DAB1: variants seen among roughly 807,000 people sequenced by gnomAD.
DAB1 encodes the protein disabled homolog 1.
DAB1 carries 15 observed loss-of-function variants against 64.6 expected under a neutral mutation model. That is an observed-to-expected ratio of 0.23 (90% CI 0.16 to 0.36). DAB1 has a LOEUF of 0.36. Among genes scored for constraint, DAB1 ranks in the 10% least tolerant of loss-of-function variants. DAB1 has a pLI of 1.00. For missense variants in DAB1, 596 were observed against 706.7 expected (o/e 0.84, Z 1.78); for synonymous variants, 235 against 251.9 (o/e 0.93, Z 0.64).
chr1:57,267,726 A>C (rs1670694887), intron 2 of DAB1, among the ~76,000 whole-genome samples: 1 of 152,200 alleles, frequency 6.6e-6, no homozygotes, highest in Non-Finnish European at 1.5e-5. Flanking sequence ...GGTCCAGAGC[A>C]CCAAAGGGCA....
rs146420023 is a variant in DAB1 at position 57,868,539 on chromosome 1, T to C, written n.87+15460A>G. Among the ~76,000 whole-genome samples, 17 of 152,260 alleles carry C rather than the reference T, an allele frequency of 1.1e-4. No individual in the cohort carries two copies. The East Asian group carries it at 3.3e-3, about 29-fold the overall frequency. ...CCTCTTAGGGCAGACAATTATGTGG[T>C]GTGGAGAGCTGTCTTGTGTATTTTA... is the stretch of plus-strand genomic sequence containing the variant. On this transcript the variant is annotated intron_variant and non_coding_transcript_variant, in intron 1 of 1. Transcript: ENST00000477280.
chr1:57,223,906 A>G lies in DAB1; in HGVS notation c.67+67058T>C, dbSNP rs61765623. Among the ~76,000 whole-genome samples the G allele has an allele frequency of 7.6e-3, 1,163 of 152,214 alleles. 31 individuals carry two copies. The East Asian group carries it at 0.081, about 11-fold the overall frequency. On this transcript the variant is annotated intron_variant, in intron 2 of 14. Transcript: ENST00000371236. ...GCTTCTGCAGGCTGGACAGTGTGAT[A>G]TCATGGGGAAAACTGGCTTTGGAGT...
chr1:58,523,760 A>T (rs6687082), intron 2 of DAB1, among the ~76,000 whole-genome samples: 15 of 151,986 alleles, frequency 9.9e-5, no homozygotes, highest in African/African-American at 3.6e-4. Flanking sequence ...TTAGCCGGGC[A>T]TGGTGGTGGG....
intron 7 of DAB1, among the ~76,000 whole-genome samples, chr1:57,520,078 C>T (rs1644507574): frequency 6.6e-6 from 1 of 152,140 alleles, no homozygotes; most frequent in Admixed American, 6.5e-5. Flanking sequence ...GTTATTTTAC[C>T]TCTGGAATCT....
At chr1:57,270,044 A>G (rs1309930943) in intron 2 of DAB1, among the ~76,000 whole-genome samples, 1 of 152,184 alleles carries the variant, frequency 6.6e-6, no homozygotes, top group African/African-American at 2.4e-5. Context: ...TCAGGGTGAA[A>G]GGCAAAGGAG....
At chr1:57,450,784 C>T (rs1211087932) in intron 7 of DAB1, among the ~76,000 whole-genome samples, 1 of 152,214 alleles carries the variant, frequency 6.6e-6, no homozygotes, top group Non-Finnish European at 1.5e-5. Flanking sequence ...TGAACTTCAA[C>T]TTACTTAAAG....
intron 4 of DAB1, among the ~76,000 whole-genome samples, chr1:58,243,034 G>T (rs1304833406): frequency 6.6e-6 from 1 of 152,086 alleles, no homozygotes; most frequent in Non-Finnish European, 1.5e-5. Flanking sequence ...AAACAGCTTG[G>T]TTTCTTCAAA....
chr1:57,413,210 A>G (rs780166549), intron 1 of DAB1, among the ~76,000 whole-genome samples: 1 of 152,202 alleles, frequency 6.6e-6, no homozygotes, highest in South Asian at 2.1e-4. Flanking sequence ...TCAAAATATT[A>G]CTGCTCCTTG....
In DAB1 at chr1:58,376,667, T is replaced by C. The variant is rs1409209195; in HGVS notation, n.258-33264A>G. Among the ~76,000 whole-genome samples the C allele has an allele frequency of 2.1e-5, 3 of 141,776 alleles. 1 individual carries two copies. Among genetic ancestry groups the C allele is most frequent in the Non-Finnish European group, 4.7e-5 (3 of 64,052 alleles). 93.0% of individuals were successfully genotyped at this position (141,776 alleles called of 152,430 possible). ...AAATGTATATTCTGTTGATTTGGGGTGGAGAGTTCTGTAGATGTCTATTAG... is the reference window on the plus strand; with the variant it reads ...AAATGTATATTCTGTTGATTTGGGGCGGAGAGTTCTGTAGATGTCTATTAG... On this transcript the variant is annotated intron_variant and non_coding_transcript_variant, in intron 3 of 20. Coordinates refer to the DAB1 transcript ENST00000485760.
chr1:57,812,362 A>T (rs1557494416), intron 6 of DAB1, among the ~76,000 whole-genome samples: 2 of 151,986 alleles, frequency 1.3e-5, no homozygotes, highest in Non-Finnish European at 2.9e-5. Context: ...AAAAGAAAGA[A>T]AGAAAAAAGG....
intron 6 of DAB1, among the ~76,000 whole-genome samples, chr1:57,782,069 G>C (rs1340589066): frequency 2.0e-5 from 3 of 152,152 alleles, no homozygotes; most frequent in Non-Finnish European, 2.9e-5. Flanking sequence ...AAGACAGTCT[G>C]CAATGTTAAT....
At chr1:57,358,009 A>G (rs1679260656) in intron 1 of DAB1, among the ~76,000 whole-genome samples, 1 of 151,970 alleles carries the variant, frequency 6.6e-6, no homozygotes, top group Admixed American at 6.6e-5. Flanking sequence ...GTATCCTGCA[A>G]CTCTACTGAA....
At chr1:58,496,463 A>G (rs1011964145) in intron 3 of DAB1, among the ~76,000 whole-genome samples, 11 of 152,124 alleles carry the variant, frequency 7.2e-5, no homozygotes, top group African/African-American at 2.7e-4. Flanking sequence ...GTCCTCTCCC[A>G]TAAAGTAACA....
In DAB1 at chr1:57,294,685, A is replaced by C. The variant is rs191764458; in HGVS notation, c.-136-3519T>G. 3.9e-5 allele frequency among the ~76,000 whole-genome samples: 6 copies of C among 152,272 alleles called. No individual in the cohort carries two copies. In the East Asian group the frequency reaches 1.2e-3, roughly 29 times the overall value. The stretch of plus-strand genomic sequence containing the variant: ...ATACAATTCATTCAACTATTTTAAG[A>C]ATCCAATATAATTATCTACATGAAA... On this transcript the variant is annotated intron_variant, in intron 1 of 14. Transcript: ENST00000371236.
At chr1:57,990,273 C>T (rs974308212) in intron 5 of DAB1, among the ~76,000 whole-genome samples, 8 of 152,162 alleles carry the variant, frequency 5.3e-5, no homozygotes, top group Non-Finnish European at 1.2e-4. Flanking sequence ...ATGAGGTAGA[C>T]TTACAGAGAA....
chr1:57,952,039 C>T (rs1388242693), intron 5 of DAB1, among the ~76,000 whole-genome samples: 1 of 152,154 alleles, frequency 6.6e-6, no homozygotes, highest in African/African-American at 2.4e-5. Flanking sequence ...ATTCTTTCTT[C>T]CTTTTACTAA....
intron 4 of DAB1, among the ~76,000 whole-genome samples, chr1:58,182,817 C>G (rs1656870941): frequency 6.6e-6 from 1 of 151,962 alleles, no homozygotes; most frequent in African/African-American, 2.4e-5. Context: ...TATGTTTTAA[C>G]TACTTTTTTT....
At chr1:57,184,706 AACCCT>A (rs1440333061) in intron 2 of DAB1, among the ~76,000 whole-genome samples, 1 of 152,092 alleles carries the variant, frequency 6.6e-6, no homozygotes, top group African/African-American at 2.4e-5. Context: ...GTACTCCACA[AACCCT>A]GTGCTCCTGG....
At chr1:57,520,690 A>T (rs1644515524) in intron 7 of DAB1, among the ~76,000 whole-genome samples, 1 of 152,136 alleles carries the variant, frequency 6.6e-6, no homozygotes, top group Non-Finnish European at 1.5e-5. Flanking sequence ...TATTCAGGAA[A>T]CAAAATCAAA....
Sources: allele counts gnomAD v4.1 joint callset (sites outside exome capture counted in the v4.1 genomes callset), GRCh38; gene constraint gnomAD v4.1.1; transcripts MANE v1.5; gene names NCBI Gene and HGNC (gene_info 2026-07-23, HGNC 2026-07-21).